P2RY8: variants seen among roughly 807,000 people sequenced by gnomAD.
The protein encoded by P2RY8 is S-geranylgeranyl-glutathione receptor P2RY8.
P2RY8 carries 6 observed loss-of-function variants against 10.0 expected under a neutral mutation model. The observed-to-expected ratio is 0.60, with a 90% CI of 0.33 to 1.19. The LOEUF (loss-of-function observed/expected upper bound fraction) is 1.19, where lower values mean the gene tolerates loss of function less well. Ranked by LOEUF, P2RY8 falls within the 50% of genes most tolerant of loss-of-function variation. The pLI is 0.04. For synonymous variants in P2RY8, 276 were observed against 252.5 expected (o/e 1.09, Z -0.88); for missense variants, 456 against 542.0 (o/e 0.84, Z 1.58).
At position 1,504,866 on chromosome X, in the gene P2RY8, C is replaced by T. The variant is rs186374252; in HGVS notation, c.-25+32055G>A. Among the ~76,000 whole-genome samples the T allele has an allele frequency of 1.5e-3, 223 of 152,288 alleles. 2 individuals carry two copies. In the Middle Eastern group the frequency reaches 0.017, roughly 12 times the overall value. ...GCCGGGCATTGGCCAGGCGTGGTGG[C>T]TCACGCCTGTCATCCCAGCACTTTG... On this transcript the variant is annotated intron_variant, in intron 1 of 1. Transcript: ENST00000381297.
At chrX:1,507,930 G>C (rs762438564) in intron 1 of P2RY8, among the ~76,000 whole-genome samples, 4 of 152,094 alleles carry the variant, frequency 2.6e-5, no homozygotes, top group South Asian at 2.1e-4. Context: ...CACACCCCAC[G>C]TCTTTGCAGC....
chrX:1,533,778 A>G (rs1180738408), intron 1 of P2RY8, among the ~76,000 whole-genome samples: 3 of 123,532 alleles, frequency 2.4e-5, no homozygotes, highest in African/African-American at 6.5e-5. Context: ...TTATATATTT[A>G]TTATTTAAAT....
intron 1 of P2RY8, among the ~76,000 whole-genome samples, chrX:1,506,568 A>C (rs1387560646): frequency 6.6e-6 from 1 of 152,102 alleles, no homozygotes; most frequent in Non-Finnish European, 1.5e-5. Flanking sequence ...TTTGGATGTA[A>C]AGATGTATCT....
chrX:1,512,197 T>A (rs2092302601), intron 1 of P2RY8, among the ~76,000 whole-genome samples: 1 of 151,440 alleles, frequency 6.6e-6, no homozygotes, highest in Admixed American at 6.6e-5. Flanking sequence ...AGGTGAAGAG[T>A]CTGAGATTAA....
intron 1 of P2RY8, among the ~76,000 whole-genome samples, chrX:1,487,633 T>G (rs1193030563): frequency 6.6e-6 from 1 of 152,072 alleles, no homozygotes; most frequent in Non-Finnish European, 1.5e-5. Flanking sequence ...GCCTGTCTCA[T>G]CCTCCCTGCC....
At chrX:1,513,799 G>C (rs1244712603) in intron 1 of P2RY8, among the ~76,000 whole-genome samples, 1 of 151,084 alleles carries the variant, frequency 6.6e-6, no homozygotes, top group African/African-American at 2.4e-5. Context: ...GGGGGCTCCA[G>C]GCGTCCCTGG....
chrX:1,484,986 CTTTTTTTTTTTTT>C (rs773650240), intron 1 of P2RY8, among the ~76,000 whole-genome samples: 2 of 81,420 alleles, frequency 2.5e-5, no homozygotes, highest in African/African-American at 8.4e-5. Flanking sequence ...GTAATAATGT[CTTTTTTTTTTTTT>C]TTTTTTTTTT....
chrX:1,483,891 G>T (rs1215422351), intron 1 of P2RY8, among the ~76,000 whole-genome samples: 3 of 151,588 alleles, frequency 2.0e-5, no homozygotes, highest in Non-Finnish European at 2.9e-5. Flanking sequence ...CCAAAAGCTG[G>T]GCTCTCCTAA....
rs1225270112 is a variant in P2RY8, at chrX:1,534,037, CTATT to C, written c.-25+2880_-25+2883del. On this transcript the variant is annotated intron_variant, in intron 1 of 1. Transcript: ENST00000381297. Reference sequence around the variant, plus strand: ...ATATTTACATATATTATATACTTATCTATTTATTATTTACATATATATTTGTATA... The same window carrying C: ...ATATTTACATATATTATATACTTATCTATTATTTACATATATATTTGTATA... Among the ~76,000 whole-genome samples the C allele has an allele frequency of 2.5e-5, 3 of 117,882 alleles. No individual in the cohort carries two copies. The South Asian group carries it at 7.2e-4, about 28-fold the overall frequency. 77.3% of individuals were successfully genotyped at this position (117,882 alleles called of 152,430 possible).
chrX:1,517,229 A>G (rs1352196880), intron 1 of P2RY8, among the ~76,000 whole-genome samples: 1 of 151,912 alleles, frequency 6.6e-6, no homozygotes, highest in Non-Finnish European at 1.5e-5. Context: ...ATCTCATAAG[A>G]GGAGGAGATG....
intron 1 of P2RY8, among the ~76,000 whole-genome samples, chrX:1,508,728 A>C: frequency 7.2e-6 from 1 of 139,652 alleles, no homozygotes; most frequent in Non-Finnish European, 1.6e-5. Flanking sequence ...CTATCTATCT[A>C]TCTATCTATC....
intron 1 of P2RY8, among the ~76,000 whole-genome samples, chrX:1,509,829 C>CTATCTATT (rs1341240928): frequency 6.8e-6 from 1 of 146,410 alleles, no homozygotes; most frequent in East Asian, 2.0e-4. Flanking sequence ...ATCTATCTAT[C>CTATCTATT]TATCTATCTC....
intron 1 of P2RY8, among the ~76,000 whole-genome samples, chrX:1,522,696 A>T (rs2092401629): frequency 6.6e-6 from 1 of 151,732 alleles, no homozygotes; most frequent in Non-Finnish European, 1.5e-5. Flanking sequence ...GCTTGAGGCC[A>T]GGAGTTAGAG....
intron 1 of P2RY8, among the ~76,000 whole-genome samples, chrX:1,470,202 T>TAAAC (rs369908903): frequency 0.53 from 76,285 of 143,910 alleles, 21,328 homozygotes; most frequent in African/African-American, 0.69. Flanking sequence ...TTACTAAAAT[T>TAAAC]AAACAAACAA....
intron 1 of P2RY8, among the ~76,000 whole-genome samples, chrX:1,511,691 G>A (rs1331098590): frequency 2.0e-5 from 3 of 152,124 alleles, no homozygotes; most frequent in African/African-American, 7.2e-5. Flanking sequence ...AACCAATCTC[G>A]TGATTTTAAG....
chrX:1,485,548 G>C (rs1319081459), intron 1 of P2RY8, among the ~76,000 whole-genome samples: 2 of 150,010 alleles, frequency 1.3e-5, no homozygotes, highest in Non-Finnish European at 3.0e-5. Context: ...TGTAATTAAG[G>C]CTATATGGAT....
At chrX:1,505,134 T>C (rs1247879798) in intron 1 of P2RY8, among the ~76,000 whole-genome samples, 2 of 32,772 alleles carry the variant, frequency 6.1e-5, no homozygotes, top group African/African-American at 2.1e-4. Context: ...AGAGACTCTG[T>C]CTCAAAAAAA....
intron 1 of P2RY8, among the ~76,000 whole-genome samples, chrX:1,491,566 T>C (rs1174979673): frequency 6.6e-6 from 1 of 152,206 alleles, no homozygotes; most frequent in Non-Finnish European, 1.5e-5. Flanking sequence ...AGCAAATGAG[T>C]AAATGAGTGA....
intron 1 of P2RY8, among the ~76,000 whole-genome samples, chrX:1,532,727 T>G (rs111607431): frequency 6.6e-6 from 1 of 151,562 alleles, no homozygotes; most frequent in East Asian, 1.9e-4. Context: ...AACGGCCGGA[T>G]GCGGTGGCTC....
Sources: allele counts gnomAD v4.1 joint callset (sites outside exome capture counted in the v4.1 genomes callset), GRCh38; gene constraint gnomAD v4.1.1; transcripts MANE v1.5; gene names NCBI Gene and HGNC (gene_info 2026-07-23, HGNC 2026-07-21).